Variants in CPLANE1 observed in about 807,000 individuals in gnomAD.
CPLANE1 encodes ciliogenesis and planar polarity effector 1.
A neutral mutation model predicts 362.5 loss-of-function variants in CPLANE1; 263 were observed. That is an observed-to-expected ratio of 0.73 (90% CI 0.66 to 0.80). The LOEUF is 0.80. Ranked by LOEUF, CPLANE1 falls within the 30% of genes least tolerant of loss-of-function variation. The pLI is 0.00. For synonymous variants in CPLANE1, 1,212 were observed against 1,302.6 expected (o/e 0.93, Z 1.50); for missense variants, 3,461 against 3,793.4 (o/e 0.91, Z 2.30).
intron 35 of CPLANE1, among the ~76,000 whole-genome samples, chr5:37,166,419 T>C (rs1778260912): frequency 1.3e-5 from 2 of 152,202 alleles, no homozygotes; most frequent in African/African-American, 4.8e-5. Flanking sequence ...ATGGTTTCAC[T>C]TTCCAAGGTT....
Position 37,183,714 on chromosome 5 carries a change from T to A in CPLANE1, c.4482-15A>T. 6.6e-7 allele frequency: 1 copy of A among 1,507,162 alleles called. No individual in the cohort carries two copies. The highest frequency in any genetic ancestry group is 1.4e-5 in the African/African-American group (1 of 71,288). 93.4% of individuals were successfully genotyped at this position (1,507,162 alleles called of 1,614,324 possible). A position where few individuals can be genotyped will look rare whatever the true frequency, so the allele number is the denominator to read the frequency against. Reference sequence around the variant, plus strand: ...TTGGGGCATTTCTATAGCAAAAAAATAAAATAAGACAAAATTAGAGATCAT... The same window carrying A: ...TTGGGGCATTTCTATAGCAAAAAAAAAAAATAAGACAAAATTAGAGATCAT... On this transcript the variant is annotated splice_polypyrimidine_tract_variant and intron_variant, in intron 25 of 52. Transcript: ENST00000651892.
intron 21 of CPLANE1, among the ~76,000 whole-genome samples, chr5:37,188,956 TCTC>T (rs1408250153): frequency 1.3e-5 from 2 of 152,170 alleles, no homozygotes; most frequent in African/African-American, 4.8e-5. Context: ...TTCAAGTGAT[TCTC>T]CTGTCTCAGC....
At chr5:37,206,457 C>A (rs1249831859) in intron 16 of CPLANE1, 32 bp from the exon 17 acceptor site, 2 of 1,329,500 alleles carry the variant, frequency 1.5e-6, no homozygotes, top group African/African-American at 2.9e-5. Flanking sequence ...TGGATTATTA[C>A]AATCACATCC....
At chr5:37,079,214 G>C in the CPLANE1 span, among the ~76,000 whole-genome samples, 1 of 152,080 alleles carries the variant, frequency 6.6e-6, no homozygotes, top group Non-Finnish European at 1.5e-5. Context: ...AATCCATCTG[G>C]AACTAATTTT....
At chr5:37,167,694 C>G (rs1778655580) in intron 34 of CPLANE1, among the ~76,000 whole-genome samples, 1 of 152,150 alleles carries the variant, frequency 6.6e-6, no homozygotes. Flanking sequence ...AGGAGAATCA[C>G]TTGAATCTGG....
the CPLANE1 span, among the ~76,000 whole-genome samples, chr5:37,094,817 A>G: frequency 6.6e-6 from 1 of 152,248 alleles, no homozygotes; most frequent in Non-Finnish European, 1.5e-5. Context: ...TTATGCACAT[A>G]AACTAGAAAA....
chr5:37,133,687 G>C (rs1403093538), intron 46 of CPLANE1, among the ~76,000 whole-genome samples: 2 of 151,910 alleles, frequency 1.3e-5, no homozygotes, highest in South Asian at 4.2e-4. Context: ...GAGTCTTTAG[G>C]TTTTCTAGGT....
chr5:37,131,075 A>G (rs1251611674), intron 46 of CPLANE1, among the ~76,000 whole-genome samples: 1 of 152,218 alleles, frequency 6.6e-6, no homozygotes, highest in Non-Finnish European at 1.5e-5. Flanking sequence ...AGTGATGAGT[A>G]CTTTGCCAAC....
At chr5:37,149,416 G>A (rs1046922027) in intron 42 of CPLANE1, among the ~76,000 whole-genome samples, 7 of 152,078 alleles carry the variant, frequency 4.6e-5, no homozygotes, top group South Asian at 2.1e-4. Flanking sequence ...TTGTTATGAC[G>A]TATTGTTCAG....
intron 46 of CPLANE1, among the ~76,000 whole-genome samples, chr5:37,133,346 T>C (rs1766550137): frequency 6.6e-6 from 1 of 152,178 alleles, no homozygotes; most frequent in Non-Finnish European, 1.5e-5. Flanking sequence ...TAGTGTTGAA[T>C]CTATAGATTG....
chr5:37,103,769 G>A (rs746975826), downstream of CPLANE1, among the ~76,000 whole-genome samples: 28 of 152,068 alleles, frequency 1.8e-4, no homozygotes, highest in Non-Finnish European at 2.9e-4. Context: ...TTTTTTAGGT[G>A]ACCTGGCCTC....
At chr5:37,223,818 T>A (rs771384502) in intron 14 of CPLANE1, among the ~76,000 whole-genome samples, 5 of 152,160 alleles carry the variant, frequency 3.3e-5, no homozygotes, top group Non-Finnish European at 7.3e-5. Flanking sequence ...ATATGACCTA[T>A]AGTTTCCTAT....
the CPLANE1 span, chr5:37,084,970 C>T: frequency 1.8e-6 from 1 of 547,638 alleles, no homozygotes; most frequent in African/African-American, 1.9e-5. Context: ...ATTTTTATAT[C>T]AGACAAAACC....
Position 37,239,885 on chromosome 5 carries a change from A to C in CPLANE1, c.678-16T>G. The C allele has an allele frequency of 2.8e-6, 4 of 1,437,290 alleles. No homozygotes were observed. The highest frequency in any genetic ancestry group is 3.7e-6 in the Non-Finnish European group (4 of 1,082,432). 89.0% of individuals were successfully genotyped at this position (1,437,290 alleles called of 1,614,324 possible). On this transcript the variant is annotated splice_polypyrimidine_tract_variant and intron_variant, in intron 6 of 52. Transcript: ENST00000651892. ...TGGCAATGATCTAAAAAAGTAATGA[A>C]ATAATTGAAAACAAAAGGTATAGTA...
intron 51 of CPLANE1, among the ~76,000 whole-genome samples, chr5:37,110,077 C>T (rs939431472): frequency 6.6e-6 from 1 of 152,188 alleles, no homozygotes; most frequent in African/African-American, 2.4e-5. Flanking sequence ...AACCCTAGCC[C>T]AAGCAATCTA....
chr5:37,212,495 CAAA>C (rs113291300), intron 16 of CPLANE1: 721 of 425,978 alleles, frequency 1.7e-3, no homozygotes, highest in South Asian at 2.9e-3. Flanking sequence ...ATGTGTAATC[CAAA>C]AAAAAAAAAA....
chr5:37,169,524 T>A lies in CPLANE1; in HGVS notation c.6500A>T (p.Asn2167Ile). 6.2e-7 allele frequency: 1 copy of A among 1,613,428 alleles called. No individual in the cohort carries two copies. The highest frequency in any genetic ancestry group is 8.5e-7 in the Non-Finnish European group (1 of 1,179,736). ...PHGSIPLCQL[N>I]GQPRKKGPIP... ...TGGTCCTTTTTTCCGGGGCTGGCCA[T>A]TTAATTGACATAAAGGAATACTCCC... is the stretch of plus-strand genomic sequence containing the variant. The change falls in exon 34 of 53, where the codon AAT becomes ATT. Residue 2167 changes from asparagine to isoleucine, a missense_variant. By Grantham distance (149) the Asn-to-Ile change is moderately radical (BLOSUM62 -3). This residue lies in a region of CPLANE1 where 3,380 missense variants were observed against 3,666.1 expected (regional missense o/e 0.92). Coordinates refer to ENST00000651892, the MANE Select transcript of CPLANE1 (RefSeq NM_001384732.1).
chr5:37,179,952 GATA>G lies in CPLANE1; in HGVS notation c.5737+62_5737+64del, dbSNP rs1420790354. On this transcript the variant is annotated intron_variant, in intron 28 of 52. Coordinates refer to ENST00000651892, the MANE Select transcript of CPLANE1 (RefSeq NM_001384732.1). ...GTATAAGACTAAATAAGTTACCTCA[GATA>G]ATATTATTTACCAATTTCAAATTAA... 2.7e-6 allele frequency: 3 copies of G among 1,112,054 alleles called. No homozygotes were observed. In the African/African-American group the frequency reaches 4.9e-5, roughly 18 times the overall value. 68.9% of individuals were successfully genotyped at this position (1,112,054 alleles called of 1,614,324 possible).
At chr5:37,082,011 T>G in the CPLANE1 span, among the ~76,000 whole-genome samples, 2 of 151,558 alleles carry the variant, frequency 1.3e-5, no homozygotes, top group Admixed American at 1.3e-4. Context: ...GTGAATCACT[T>G]GTACCTGGGA....
Sources: allele counts gnomAD v4.1 joint callset (sites outside exome capture counted in the v4.1 genomes callset), GRCh38; gene constraint gnomAD v4.1.1; regional missense constraint gnomAD v4.1.1; transcripts MANE v1.5; gene names NCBI Gene and HGNC (gene_info 2026-07-23, HGNC 2026-07-21).